The following RAB21 variants were observed in gnomAD, a reference collection of about 807,000 sequenced individuals.
RAB21 encodes ras-related protein Rab-21.
A neutral mutation model predicts 33.1 loss-of-function variants in RAB21; 13 were observed. The ratio of observed to expected loss-of-function variants is 0.39; its 90% CI spans 0.26 to 0.62. The LOEUF (loss-of-function observed/expected upper bound fraction) is 0.62. RAB21 is among the 20% of genes least tolerant of loss of function. The probability of loss-of-function intolerance (pLI) is 0.48; values close to 1 mark genes in which losing one functional copy is unlikely to be tolerated. For missense variants in RAB21, 234 were observed against 279.1 expected (o/e 0.84, Z 1.15); for synonymous variants, 91 against 103.7 (o/e 0.88, Z 0.74).
chr12:71,777,329 A>C (rs1883135972), intron 4 of RAB21, among the ~76,000 whole-genome samples: 1 of 151,852 alleles, frequency 6.6e-6, no homozygotes, highest in African/African-American at 2.4e-5. Context: ...GGCTTTTTTG[A>C]CTTTACATTA....
rs2137661026 is a variant in RAB21, at chr12:71,786,198, G to GC, written c.*527dup. 6.5e-6 allele frequency: 1 copy of GC among 152,800 alleles called. No individual in the cohort carries two copies. Among genetic ancestry groups the GC allele is most frequent in the Admixed American group, 6.5e-5 (1 of 15,300 alleles). 9.5% of individuals were successfully genotyped at this position (152,800 alleles called of 1,614,324 possible). ...TTACAGGCGTGAGCCACCGTGCCCG[G>GC]CCTACAAATGTTAACAAAGCAATTA... is the stretch of plus-strand genomic sequence containing the variant. On this transcript the variant is annotated 3_prime_UTR_variant, in exon 7 of 7. Transcript: ENST00000261263.
At chr12:71,776,221 T>G (rs1883117321) in intron 4 of RAB21, among the ~76,000 whole-genome samples, 1 of 152,210 alleles carries the variant, frequency 6.6e-6, no homozygotes. Context: ...CCCAAGAGCT[T>G]GTTACTTGAC....
In RAB21 at chr12:71,777,598, C is replaced by G. The variant is rs544241944; in HGVS notation, c.391+3576C>G. ...AGATTATATAATGATTTGAAAAATA[C>G]TTGGCATAGAGGTAAACATTTGACA... On this transcript the variant is annotated intron_variant, in intron 4 of 6. Coordinates refer to ENST00000261263, the MANE Select transcript of RAB21 (RefSeq NM_014999.4). 3.3e-5 allele frequency among the ~76,000 whole-genome samples: 5 copies of G among 152,250 alleles called. No homozygotes were observed. The East Asian group carries it at 9.6e-4, about 29-fold the overall frequency.
chr12:71,775,541 A>AT (rs1300003671), intron 4 of RAB21, among the ~76,000 whole-genome samples: 97 of 150,668 alleles, frequency 6.4e-4, no homozygotes, highest in African/African-American at 1.9e-3. Context: ...AGCCTTAAGA[A>AT]TTTTTTTTTT....
rs1883409539 is a variant in RAB21 at position 71,792,977 on chromosome 12, T to G, written c.*7304T>G. On this transcript the variant is annotated 3_prime_UTR_variant, in exon 7 of 7. Transcript: ENST00000261263. Reference sequence around the variant, plus strand: ...TTTGAGGTAAAGCTGGAAAGAATGTTTTTGAATTTTGCAAATAATACATTT... The same window carrying G: ...TTTGAGGTAAAGCTGGAAAGAATGTGTTTGAATTTTGCAAATAATACATTT... The G allele has an allele frequency of 6.6e-6, 1 of 152,222 alleles. No homozygotes were observed. The highest frequency in any genetic ancestry group is 6.5e-5 in the Admixed American group (1 of 15,280). 9.4% of individuals were successfully genotyped at this position (152,222 alleles called of 1,614,324 possible). A position where few individuals can be genotyped will look rare whatever the true frequency, so the allele number is the denominator to read the frequency against.
chr12:71,766,643 T>C (rs759379190), intron 1 of RAB21, among the ~76,000 whole-genome samples: 6 of 152,102 alleles, frequency 3.9e-5, no homozygotes, highest in Non-Finnish European at 7.4e-5. Flanking sequence ...CTGCAGTAAA[T>C]GCAGAGTTGA....
In RAB21 at chr12:71,790,697, G is replaced by A. The variant is rs1883368245; in HGVS notation, c.*5024G>A. On this transcript the variant is annotated 3_prime_UTR_variant, in exon 7 of 7. Transcript: ENST00000261263. ...TTGCTATGTATTAATATATCTATAT[G>A]TTTACATATAGAAATACATAGTGTT... is the stretch of plus-strand genomic sequence containing the variant. 6.6e-6 allele frequency: 1 copy of A among 151,994 alleles called. No individual in the cohort carries two copies. The highest frequency in any genetic ancestry group is 2.4e-5 in the African/African-American group (1 of 41,396). The allele number at this position is 151,994 out of a possible 1,614,324, so 9.4% of individuals were successfully genotyped here. A position where few individuals can be genotyped will look rare whatever the true frequency, so the allele number is the denominator to read the frequency against.
At chr12:71,780,268 T>C (rs1883178399) in intron 4 of RAB21, among the ~76,000 whole-genome samples, 1 of 152,218 alleles carries the variant, frequency 6.6e-6, no homozygotes, top group Non-Finnish European at 1.5e-5. Flanking sequence ...ACATGAGCCA[T>C]TAAATACCTA....
In RAB21 at chr12:71,789,053, A is replaced by G. The variant is rs1883339566; in HGVS notation, c.*3380A>G. The stretch of plus-strand genomic sequence containing the variant: ...ATTAGTGGAGTACTTTATATTTGAC[A>G]TTAAAGTGAAGAAGAAGAGTAGTAC... On this transcript the variant is annotated 3_prime_UTR_variant, in exon 7 of 7. Coordinates refer to ENST00000261263, the MANE Select transcript of RAB21 (RefSeq NM_014999.4). 6.6e-6 allele frequency: 1 copy of G among 151,632 alleles called. No individual in the cohort carries two copies. Among genetic ancestry groups the G allele is most frequent in the African/African-American group, 2.4e-5 (1 of 41,250 alleles). 9.4% of individuals were successfully genotyped at this position (151,632 alleles called of 1,614,324 possible). A position where few individuals can be genotyped will look rare whatever the true frequency, so the allele number is the denominator to read the frequency against.
chr12:71,771,868 T>C (rs1883047634), intron 3 of RAB21, among the ~76,000 whole-genome samples: 1 of 151,482 alleles, frequency 6.6e-6, no homozygotes, highest in Non-Finnish European at 1.5e-5. Context: ...CTTAGCTACT[T>C]GGGAAGCTGA....
At chr12:71,757,933 TC>T (rs1436497559) in intron 1 of RAB21, among the ~76,000 whole-genome samples, 1 of 151,862 alleles carries the variant, frequency 6.6e-6, no homozygotes, top group South Asian at 2.1e-4. Context: ...CAAGTGATTG[TC>T]CCCCTTTTTT....
rs530160848 is a variant in RAB21, at chr12:71,769,992, A to G, written c.219+133A>G. 1.4e-5 allele frequency: 6 copies of G among 425,842 alleles called. No homozygotes were observed. In the East Asian group the frequency reaches 2.2e-4, roughly 16 times the overall value. The allele number at this position is 425,842 out of a possible 1,614,324, so 26.4% of individuals were successfully genotyped here. A position where few individuals can be genotyped will look rare whatever the true frequency, so the allele number is the denominator to read the frequency against. On this transcript the variant is annotated intron_variant, in intron 2 of 6. Coordinates refer to ENST00000261263, the MANE Select transcript of RAB21 (RefSeq NM_014999.4). ...GAATCTTAAAATCTGGTTGAGAATT[A>G]TATCTGGAATATAATTGTATATTTG... is the stretch of plus-strand genomic sequence containing the variant.
At position 71,788,893 on chromosome 12, in the gene RAB21, G is replaced by C. The variant is rs895099435; in HGVS notation, c.*3220G>C. On this transcript the variant is annotated 3_prime_UTR_variant, in exon 7 of 7. Coordinates refer to ENST00000261263, the MANE Select transcript of RAB21 (RefSeq NM_014999.4). ...TTTGGGGTAAGCAGTAATGTGAAAA[G>C]AAAAAAGCATTATGTTATTGTATGA... 1 of 151,858 alleles carries C rather than the reference G, an allele frequency of 6.6e-6. No individual in the cohort carries two copies. The highest frequency in any genetic ancestry group is 1.5e-5 in the Non-Finnish European group (1 of 67,930). The allele number at this position is 151,858 out of a possible 1,614,324, so 9.4% of individuals were successfully genotyped here. A position where few individuals can be genotyped will look rare whatever the true frequency, so the allele number is the denominator to read the frequency against.
chr12:71,766,366 C>G (rs1316649001), intron 1 of RAB21, among the ~76,000 whole-genome samples: 1 of 152,098 alleles, frequency 6.6e-6, no homozygotes, highest in Non-Finnish European at 1.5e-5. Flanking sequence ...TCAAGTGGCA[C>G]TGTGTCACTT....
Position 71,773,087 on chromosome 12 carries a change from A to G in RAB21, c.328-872A>G, listed in dbSNP as rs141393776. Among the ~76,000 whole-genome samples, 42 of 152,358 alleles carry G rather than the reference A, an allele frequency of 2.8e-4. No homozygotes were observed. In the East Asian group the frequency reaches 7.7e-3, roughly 28 times the overall value. On this transcript the variant is annotated intron_variant, in intron 3 of 6. Transcript: ENST00000261263. Reference sequence around the variant, plus strand: ...TTTGATTACATCCAGATTAAATTTCATTGAAAAGAATGAAGGCAGGTGTCC... The same window carrying G: ...TTTGATTACATCCAGATTAAATTTCGTTGAAAAGAATGAAGGCAGGTGTCC...
At chr12:71,781,635 A>G (rs1472989313) in intron 4 of RAB21, among the ~76,000 whole-genome samples, 1 of 152,232 alleles carries the variant, frequency 6.6e-6, no homozygotes, top group African/African-American at 2.4e-5. Flanking sequence ...TAAGATAGCC[A>G]TACTTATTGA....
chr12:71,782,527 GA>G (rs763612296), intron 5 of RAB21, 42 bp from the exon 6 acceptor site: 2 of 1,357,970 alleles, frequency 1.5e-6, no homozygotes, highest in Non-Finnish European at 2.1e-6. Flanking sequence ...ACAAAATCAT[GA>G]ATAATATTTT....
Position 71,755,143 on chromosome 12 carries a change from G to C in RAB21, c.14G>C (p.Gly5Ala). Residue 5 changes from glycine (G) to alanine (A), a missense_variant, in exon 1 of 7, where the codon GGC (glycine) becomes GCC (alanine). Physicochemically the swap from Gly to Ala is moderately conservative, Grantham distance 60 (BLOSUM62 0). Transcript: ENST00000261263. ...GGAAGCGACGGGATGGCTGCGGCCG[G>C]CGGCGGCGGCGGCGGGGCGGCGGCG... MAAA[G>A]GGGGGAAAAG... 2.6e-6 allele frequency: 3 copies of C among 1,159,442 alleles called. No homozygotes were observed. Among genetic ancestry groups the C allele is most frequent in the East Asian group, 4.2e-5 (1 of 23,666 alleles). 71.8% of individuals were successfully genotyped at this position (1,159,442 alleles called of 1,614,324 possible). A position where few individuals can be genotyped will look rare whatever the true frequency, so the allele number is the denominator to read the frequency against.
chr12:71,792,515 CA>C lies in RAB21; in HGVS notation c.*6844del, dbSNP rs1233393237. 1 of 152,178 alleles carries C rather than the reference CA, an allele frequency of 6.6e-6. No homozygotes were observed. Among genetic ancestry groups the C allele is most frequent in the Non-Finnish European group, 1.5e-5 (1 of 68,036 alleles). 9.4% of individuals were successfully genotyped at this position (152,178 alleles called of 1,614,324 possible). A position where few individuals can be genotyped will look rare whatever the true frequency, so the allele number is the denominator to read the frequency against. On this transcript the variant is annotated 3_prime_UTR_variant, in exon 7 of 7. Transcript: ENST00000261263. ...AGCTTAGCATATGTGTGCTATGACA[CA>C]AGGTTAAACGTGTGCCCCAGAACAA... is the stretch of plus-strand genomic sequence containing the variant.
Sources: gnomAD v4.1 joint callset for allele counts (sites outside exome capture counted in the v4.1 genomes callset) on GRCh38, gnomAD v4.1.1 for gene constraint, MANE v1.5 for transcripts, NCBI Gene and HGNC (gene_info 2026-07-23, HGNC 2026-07-21) for gene names.